Variants in NINJ2 observed in about 807,000 individuals in gnomAD.
The protein encoded by NINJ2 is ninjurin 2.
NINJ2 carries 12 observed loss-of-function variants against 11.7 expected under a neutral mutation model. The ratio of observed to expected loss-of-function variants is 1.02; its 90% CI spans 0.66 to 1.66. The LOEUF (loss-of-function observed/expected upper bound fraction) is 1.66, where lower values mean the gene tolerates loss of function less well. Among genes scored for constraint, NINJ2 ranks in the 40% most tolerant of loss-of-function variants. NINJ2 has a pLI of 0.00. For missense variants in NINJ2, 187 were observed against 181.8 expected, an observed-to-expected ratio of 1.03 and a Z score of -0.16; for synonymous variants, 93 against 76.8, an observed-to-expected ratio of 1.21 and a Z score of -1.10.
intron 1 of NINJ2, among the ~76,000 whole-genome samples, chr12:601,363 A>G (rs2109552): frequency 0.29 from 43,108 of 150,752 alleles, 6,886 homozygotes; most frequent in East Asian, 0.44. Flanking sequence ...TGGCTAACAC[A>G]GTGAAACCCC....
chr12:639,570 A>G (rs1404446920), intron 1 of NINJ2, among the ~76,000 whole-genome samples: 2 of 152,146 alleles, frequency 1.3e-5, no homozygotes, highest in Non-Finnish European at 1.5e-5. Flanking sequence ...AAAAGTCCCC[A>G]TTGCCACCCT....
intron 1 of NINJ2, among the ~76,000 whole-genome samples, chr12:566,844 A>G (rs1947307417): frequency 6.6e-6 from 1 of 152,248 alleles, no homozygotes; most frequent in Non-Finnish European, 1.5e-5. Flanking sequence ...TTTGGCTAGG[A>G]TTTATTGAAG....
Position 614,893 on chromosome 12 carries a change from G to A in NINJ2, c.33+48435C>T, listed in dbSNP as rs1592098758. On this transcript the variant is annotated intron_variant, in intron 1 of 3. Coordinates refer to ENST00000305108, the MANE Select transcript of NINJ2 (RefSeq NM_016533.6). This position sits in a 1 kb window ranked among gnomAD's most constrained non-coding sequence, Gnocchi z 5.1. ...CAAATAGCAGTTATGCAAAGACAAG[G>A]AAGCTGCTGGCTCATGGAGGCTGTG... is the stretch of plus-strand genomic sequence containing the variant. Among the ~76,000 whole-genome samples the A allele has an allele frequency of 6.6e-6, 1 of 152,266 alleles. No homozygotes were observed. Among genetic ancestry groups the A allele is most frequent in the Middle Eastern group, 3.4e-3 (1 of 294 alleles).
At chr12:587,494 G>A (rs866109078) in intron 1 of NINJ2, among the ~76,000 whole-genome samples, 1 of 152,264 alleles carries the variant, frequency 6.6e-6, no homozygotes. Context: ...GTAAGGACAC[G>A]CAAAGGGAGC....
chr12:593,735 A>AAGGAGGAGGAGGAAGAGGATG (rs1947746261), intron 1 of NINJ2, among the ~76,000 whole-genome samples: 1 of 151,820 alleles, frequency 6.6e-6, no homozygotes, highest in Non-Finnish European at 1.5e-5. Flanking sequence ...GGAGGAGCAG[A>AAGGAGGAGGAGGAAGAGGATG]AGGAGGAGGA....
chr12:627,480 T>C (rs2120409254), intron 1 of NINJ2, among the ~76,000 whole-genome samples: 1 of 152,266 alleles, frequency 6.6e-6, no homozygotes, highest in East Asian at 1.9e-4. Flanking sequence ...GAAGGCTTCA[T>C]GGAGGAGGTG....
intron 1 of NINJ2, 114 bp downstream of exon 1, chr12:663,214 G>C: frequency 1.1e-6 from 1 of 928,774 alleles, no homozygotes; most frequent in Non-Finnish European, 1.7e-6. Context: ...AAGGGAGTGA[G>C]TAAGAAGAGA....
chr12:607,912 G>T (rs1312573245), intron 1 of NINJ2, among the ~76,000 whole-genome samples: 1 of 152,174 alleles, frequency 6.6e-6, no homozygotes, highest in Non-Finnish European at 1.5e-5. Flanking sequence ...TAGTTTTCCT[G>T]GCTCCAGTCC....
At chr12:637,624 G>A (rs1326509344) in intron 1 of NINJ2, among the ~76,000 whole-genome samples, 29 of 149,406 alleles carry the variant, frequency 1.9e-4, no homozygotes, top group African/African-American at 6.4e-4. Flanking sequence ...CTAGGCGACA[G>A]AGTGAGACTC....
chr12:608,599 C>T (rs1368403533), intron 1 of NINJ2, among the ~76,000 whole-genome samples: 1 of 152,226 alleles, frequency 6.6e-6, no homozygotes, highest in Non-Finnish European at 1.5e-5. Context: ...TGCCCTTTAG[C>T]CGCTGTACCC....
chr12:587,274 C>T (rs1457536449), intron 1 of NINJ2, among the ~76,000 whole-genome samples: 1 of 152,178 alleles, frequency 6.6e-6, no homozygotes, highest in African/African-American at 2.4e-5. Context: ...GTGAAGCTGC[C>T]CCTCCACAGG....
At chr12:604,448 G>C (rs2120918587) in intron 1 of NINJ2, among the ~76,000 whole-genome samples, 1 of 152,214 alleles carries the variant, frequency 6.6e-6, no homozygotes, top group African/African-American at 2.4e-5. Context: ...GACGAGCCTG[G>C]TCAACATGGT....
chr12:590,129 G>T (rs79804437), intron 1 of NINJ2, among the ~76,000 whole-genome samples: 8,848 of 152,222 alleles, frequency 0.058, 255 homozygotes, highest in African/African-American at 0.067. Context: ...TGTAGAGACG[G>T]TGTCTTGCTA....
chr12:600,924 G>A (rs1420120565), intron 1 of NINJ2, among the ~76,000 whole-genome samples: 3 of 151,948 alleles, frequency 2.0e-5, no homozygotes, highest in African/African-American at 4.8e-5. Flanking sequence ...AATCAATCTT[G>A]AGTTTTCAAA....
At chr12:595,587 C>A (rs1317402343) in intron 1 of NINJ2, among the ~76,000 whole-genome samples, 1 of 151,998 alleles carries the variant, frequency 6.6e-6, no homozygotes, top group Non-Finnish European at 1.5e-5. Context: ...CCAGTCTGGC[C>A]AACTAAAAAT....
At chr12:611,176 TCTTTTCTTTCCTC>T (rs945289520) in intron 1 of NINJ2, among the ~76,000 whole-genome samples, 8 of 149,332 alleles carry the variant, frequency 5.4e-5, no homozygotes, top group Non-Finnish European at 9.1e-5. Flanking sequence ...TTTCTTTCCT[TCTTTTCTTTCCTC>T]CTTTTCTTTC....
In NINJ2 at chr12:628,658, T is replaced by C. The variant is rs368505884; in HGVS notation, c.33+34670A>G. ...AGGCATTCTTAGTCACAGGATGAGA[T>C]AGGAGGTCAGCACAAGACACAGGTC... On this transcript the variant is annotated intron_variant, in intron 1 of 3. Coordinates refer to ENST00000305108, the MANE Select transcript of NINJ2 (RefSeq NM_016533.6). The surrounding 1 kb of genome is among the most constrained non-coding windows in gnomAD (Gnocchi z 4.4). Among the ~76,000 whole-genome samples, 2 of 151,916 alleles carry C rather than the reference T, an allele frequency of 1.3e-5. No homozygotes were observed. Among genetic ancestry groups the C allele is most frequent in the Non-Finnish European group, 2.9e-5 (2 of 67,954 alleles).
chr12:619,158 A>G (rs1948125973), intron 1 of NINJ2, among the ~76,000 whole-genome samples: 1 of 152,206 alleles, frequency 6.6e-6, no homozygotes, highest in South Asian at 2.1e-4. Flanking sequence ...TGTCAGGACC[A>G]TTGGATGGAG....
At chr12:648,984 A>ATCTGTCTATCTGTCTG (rs1555167417) in intron 1 of NINJ2, among the ~76,000 whole-genome samples, 2,345 of 32,840 alleles carry the variant, frequency 0.071, 30 homozygotes, top group East Asian at 0.2. Flanking sequence ...CCACCTATCT[A>ATCTGTCTATCTGTCTG]TCTATCTATC....
Sources: allele counts gnomAD v4.1 joint callset (sites outside exome capture counted in the v4.1 genomes callset), GRCh38; gene constraint gnomAD v4.1.1; non-coding constraint Gnocchi (gnomAD v3.1); transcripts MANE v1.5; gene names NCBI Gene and HGNC (gene_info 2026-07-23, HGNC 2026-07-21).